DLG2: variants seen among roughly 807,000 people sequenced by gnomAD.
DLG2 encodes the protein disks large homolog 2.
A neutral mutation model predicts 132.5 loss-of-function variants in DLG2; 45 were observed. The ratio of observed to expected loss-of-function variants is 0.34; its 90% CI spans 0.27 to 0.44. DLG2 has a LOEUF of 0.44. Among genes scored for constraint, DLG2 ranks in the 20% least tolerant of loss-of-function variants. The pLI is 1.00. For synonymous variants in DLG2, 424 were observed against 419.6 expected (o/e 1.01, Z -0.13); for missense variants, 1,045 against 1,196.9 (o/e 0.87, Z 1.87).
At chr11:84,948,148 T>C (rs1566480562) in intron 6 of DLG2, among the ~76,000 whole-genome samples, 1 of 152,226 alleles carries the variant, frequency 6.6e-6, no homozygotes, top group Non-Finnish European at 1.5e-5. Context: ...CTGCCACCCC[T>C]GCAGGATGAT....
intron 7 of DLG2, among the ~76,000 whole-genome samples, chr11:84,430,238 C>A (rs1164093476): frequency 2.0e-5 from 3 of 151,964 alleles, no homozygotes; most frequent in Admixed American, 1.3e-4. Context: ...GAGATCGAGA[C>A]CATCCTGGCC....
At chr11:85,285,418 T>C (rs1419888941) in intron 3 of DLG2, 53 bp from the exon 4 acceptor site, 2 of 1,563,884 alleles carry the variant, frequency 1.3e-6, no homozygotes, top group Non-Finnish European at 1.7e-6. Flanking sequence ...ACTTCATAAA[T>C]AGCTTCTGCA....
intron 9 of DLG2, among the ~76,000 whole-genome samples, chr11:84,128,043 C>T (rs956557633): frequency 1.3e-5 from 2 of 152,122 alleles, no homozygotes; most frequent in Non-Finnish European, 2.9e-5. Flanking sequence ...AATGTTTGCT[C>T]AAAGGAGGCA....
intron 7 of DLG2, among the ~76,000 whole-genome samples, chr11:84,378,872 G>T (rs559216896): frequency 6.6e-6 from 1 of 152,078 alleles, no homozygotes; most frequent in African/African-American, 2.4e-5. Context: ...TTTGAACCCG[G>T]GAGACGGAAG....
chr11:84,769,883 G>A (rs969668683), intron 6 of DLG2, among the ~76,000 whole-genome samples: 6 of 151,934 alleles, frequency 3.9e-5, no homozygotes, highest in African/African-American at 1.5e-4. Context: ...AGCTTCAAAA[G>A]CAACAGAGAA....
chr11:85,190,308 C>T (rs2080430921), intron 4 of DLG2, among the ~76,000 whole-genome samples: 1 of 151,974 alleles, frequency 6.6e-6, no homozygotes, highest in African/African-American at 2.4e-5. Flanking sequence ...CTAAGTAGCT[C>T]CTGAGTCAAA....
intron 3 of DLG2, among the ~76,000 whole-genome samples, chr11:85,461,707 G>A (rs910649064): frequency 9.9e-5 from 15 of 152,126 alleles, no homozygotes; most frequent in African/African-American, 2.9e-4. Flanking sequence ...AAAAGGAGAC[G>A]GAAACTGACA....
At chr11:84,738,264 T>C (rs2064131269) in intron 6 of DLG2, among the ~76,000 whole-genome samples, 2 of 152,060 alleles carry the variant, frequency 1.3e-5, no homozygotes, top group African/African-American at 4.8e-5. Context: ...ATCAGGAACC[T>C]ATTTTTCTTA....
At chr11:83,482,863 C>T (rs935506744) in intron 22 of DLG2, among the ~76,000 whole-genome samples, 3 of 152,036 alleles carry the variant, frequency 2.0e-5, no homozygotes, top group Non-Finnish European at 4.4e-5. Context: ...GAAGAAAGAA[C>T]ATAAAGTACA....
chr11:83,988,914 T>C (rs547092024), intron 11 of DLG2, among the ~76,000 whole-genome samples: 1 of 151,648 alleles, frequency 6.6e-6, no homozygotes, highest in East Asian at 2.0e-4. Flanking sequence ...TTTGTTTATA[T>C]GTTTTTTATG....
chr11:85,096,227 C>G (rs1042377944), intron 6 of DLG2, among the ~76,000 whole-genome samples: 1 of 152,188 alleles, frequency 6.6e-6, no homozygotes, highest in South Asian at 2.1e-4. Flanking sequence ...GCAGTGGCAA[C>G]CTGCTCGGGT....
chr11:83,838,914 A>T (rs569830789), intron 16 of DLG2, among the ~76,000 whole-genome samples: 2 of 152,360 alleles, frequency 1.3e-5, no homozygotes, highest in Non-Finnish European at 2.9e-5. Context: ...ATATTTTAAT[A>T]AAAATGGGAG....
intron 19 of DLG2, among the ~76,000 whole-genome samples, chr11:83,567,996 G>T (rs959648994): frequency 2.0e-5 from 3 of 152,132 alleles, no homozygotes; most frequent in Non-Finnish European, 2.9e-5. Context: ...TGTAAATAAG[G>T]CGTATGATCT....
chr11:84,581,252 G>A (rs1195866513), intron 6 of DLG2, among the ~76,000 whole-genome samples: 1 of 152,164 alleles, frequency 6.6e-6, no homozygotes, highest in East Asian at 1.9e-4. Flanking sequence ...GAACACAAAA[G>A]ACATTCCATC....
chr11:84,578,837 C>T (rs1164219372), intron 6 of DLG2, among the ~76,000 whole-genome samples: 2 of 151,998 alleles, frequency 1.3e-5, no homozygotes, highest in African/African-American at 4.8e-5. Flanking sequence ...TTGGCTGTGA[C>T]CCTACCGAAA....
chr11:85,322,575 T>C (rs1354362245), intron 3 of DLG2, among the ~76,000 whole-genome samples: 2 of 152,154 alleles, frequency 1.3e-5, no homozygotes, highest in Admixed American at 1.3e-4. Flanking sequence ...CAAAAACACC[T>C]TAACCACATA....
intron 18 of DLG2, among the ~76,000 whole-genome samples, chr11:83,775,542 T>C (rs1299458228): frequency 1.3e-5 from 2 of 152,184 alleles, no homozygotes; most frequent in African/African-American, 4.8e-5. Flanking sequence ...TTTAGAAAGG[T>C]GTCAGGCCTG....
At chr11:85,499,640 A>G (rs77298508) in intron 3 of DLG2, among the ~76,000 whole-genome samples, 3 of 151,392 alleles carry the variant, frequency 2.0e-5, no homozygotes, top group African/African-American at 7.3e-5. Context: ...GAGACACAAC[A>G]AAAAAAAGAT....
chr11:85,215,840 C>T (rs1456396664), intron 4 of DLG2, among the ~76,000 whole-genome samples: 1 of 151,996 alleles, frequency 6.6e-6, no homozygotes, highest in African/African-American at 2.4e-5. Context: ...TGTCTTTTGT[C>T]AATTTAATTT....
Sources: allele counts gnomAD v4.1 joint callset (sites outside exome capture counted in the v4.1 genomes callset), GRCh38; gene constraint gnomAD v4.1.1; transcripts MANE v1.5; gene names NCBI Gene and HGNC (gene_info 2026-07-23, HGNC 2026-07-21).